Variants in SH3GL3 observed in about 807,000 individuals in gnomAD.
SH3GL3 encodes the protein endophilin-A3.
Under a neutral mutation model 47.7 loss-of-function variants are expected in SH3GL3, and 33 were observed. The ratio of observed to expected loss-of-function variants is 0.69; its 90% CI spans 0.52 to 0.92. The LOEUF is 0.92. SH3GL3 is among the 40% of genes least tolerant of loss of function. The probability of loss-of-function intolerance (pLI) is 0.00; values close to 1 mark genes in which losing one functional copy is unlikely to be tolerated. For synonymous variants in SH3GL3, 155 were observed against 148.8 expected (o/e 1.04, Z -0.30); for missense variants, 363 against 417.8 (o/e 0.87, Z 1.14).
At chr15:83,501,204 CT>C (rs1194181791) in intron 1 of SH3GL3, among the ~76,000 whole-genome samples, 4 of 151,824 alleles carry the variant, frequency 2.6e-5, no homozygotes, top group Admixed American at 2.6e-4. Flanking sequence ...TAATTAACAA[CT>C]TTATAACATT....
intron 2 of SH3GL3, among the ~76,000 whole-genome samples, chr15:83,563,712 C>A (rs1457253618): frequency 6.6e-6 from 1 of 151,994 alleles, no homozygotes; most frequent in East Asian, 1.9e-4. Context: ...GATCTCGGCT[C>A]ACTGCAACCT....
At chr15:83,612,322 C>T (rs1256791609) in intron 8 of SH3GL3, among the ~76,000 whole-genome samples, 3 of 152,216 alleles carry the variant, frequency 2.0e-5, no homozygotes, top group African/African-American at 4.8e-5. Context: ...TGAGGTGACT[C>T]GTCACAGGAG....
At chr15:83,507,616 T>G (rs1334822806) in intron 1 of SH3GL3, among the ~76,000 whole-genome samples, 1 of 151,928 alleles carries the variant, frequency 6.6e-6, no homozygotes, top group African/African-American at 2.4e-5. Flanking sequence ...GGTTTCACCA[T>G]GTTGGCCAGG....
At chr15:83,603,917 C>G (rs1263890759) in intron 8 of SH3GL3, among the ~76,000 whole-genome samples, 1 of 152,148 alleles carries the variant, frequency 6.6e-6, no homozygotes, top group Non-Finnish European at 1.5e-5. Context: ...GGTGGATCAC[C>G]TGAGTTCAGG....
intron 1 of SH3GL3, among the ~76,000 whole-genome samples, chr15:83,519,318 ATTTG>A (rs931287774): frequency 7.2e-5 from 11 of 152,226 alleles, no homozygotes; most frequent in African/African-American, 2.4e-4. Context: ...ATGTTTTTCC[ATTTG>A]TTTGTATCAT....
At chr15:83,531,104 C>G (rs1394238013) in intron 1 of SH3GL3, among the ~76,000 whole-genome samples, 1 of 152,116 alleles carries the variant, frequency 6.6e-6, no homozygotes, top group Admixed American at 6.6e-5. Flanking sequence ...TTCAGGGATC[C>G]TTCAGTTCAT....
chr15:83,579,172 A>T (rs1348858481), intron 6 of SH3GL3, among the ~76,000 whole-genome samples: 7 of 152,220 alleles, frequency 4.6e-5, no homozygotes, highest in Non-Finnish European at 8.8e-5. Flanking sequence ...TGCCTGTCAC[A>T]AATGGGTTAA....
intron 6 of SH3GL3, among the ~76,000 whole-genome samples, chr15:83,580,970 A>G (rs1254746654): frequency 1.3e-5 from 2 of 152,196 alleles, no homozygotes; most frequent in South Asian, 2.1e-4. Flanking sequence ...ATGAAGGGAA[A>G]TCCTCTGAGA....
intron 3 of SH3GL3, chr15:83,565,583 A>G (rs1596271565): frequency 1.3e-5 from 2 of 157,208 alleles, no homozygotes; most frequent in Non-Finnish European, 1.4e-5. Context: ...ACATAAAGGT[A>G]TATGTTAATT....
intron 4 of SH3GL3, 48 bp from the exon 5 acceptor site, chr15:83,572,517 G>T (rs747054630): frequency 2.6e-6 from 4 of 1,534,546 alleles, no homozygotes; most frequent in Admixed American, 3.5e-5. Flanking sequence ...CTGTTAACCT[G>T]GAGTAGTGTT....
chr15:83,563,464 G>A (rs535580474), intron 2 of SH3GL3, among the ~76,000 whole-genome samples: 13 of 152,214 alleles, frequency 8.5e-5, no homozygotes, highest in Admixed American at 2.6e-4. Flanking sequence ...CTCCAAAAAC[G>A]TATCATTTTG....
chr15:83,463,223 G>A (rs2040391182), intron 1 of SH3GL3, among the ~76,000 whole-genome samples: 2 of 152,118 alleles, frequency 1.3e-5, no homozygotes, highest in African/African-American at 2.4e-5. Flanking sequence ...TACATTTCTA[G>A]GACCAGGTTT....
chr15:83,569,086 A>G (rs1224467183), intron 4 of SH3GL3, among the ~76,000 whole-genome samples: 1 of 152,056 alleles, frequency 6.6e-6, no homozygotes, highest in East Asian at 1.9e-4. Context: ...AAATAGAGAC[A>G]GGGTTTCGCC....
Position 83,530,238 on chromosome 15 carries a change from G to A in SH3GL3, c.46-29015G>A, listed in dbSNP as rs183393944. On this transcript the variant is annotated intron_variant, in intron 1 of 8. Transcript: ENST00000427482. ...CTGTTAGTTCTCTTTCTGGAGCAAGGCCTTTGCACAATCTCTAGGCAGCTC... is the reference window on the plus strand; with the variant it reads ...CTGTTAGTTCTCTTTCTGGAGCAAGACCTTTGCACAATCTCTAGGCAGCTC... Among the ~76,000 whole-genome samples, 59 of 152,256 alleles carry A rather than the reference G, an allele frequency of 3.9e-4. No homozygotes were observed. In the East Asian group the frequency reaches 9.9e-3, roughly 25 times the overall value.
At chr15:83,456,699 C>T (rs1596004789) in intron 1 of SH3GL3, among the ~76,000 whole-genome samples, 2 of 146,712 alleles carry the variant, frequency 1.4e-5, no homozygotes, top group African/African-American at 2.5e-5. Flanking sequence ...CTGGCCTGCG[C>T]CCACTGTCTG....
intron 5 of SH3GL3, among the ~76,000 whole-genome samples, chr15:83,575,719 C>T (rs1055398103): frequency 1.3e-5 from 2 of 152,228 alleles, no homozygotes; most frequent in East Asian, 3.8e-4. Flanking sequence ...AAGTTAGAAG[C>T]AGTGCTTCCT....
chr15:83,526,008 T>C (rs943970618), intron 1 of SH3GL3, among the ~76,000 whole-genome samples: 1 of 152,212 alleles, frequency 6.6e-6, no homozygotes, highest in Non-Finnish European at 1.5e-5. Flanking sequence ...ATTTGGGCTC[T>C]TTTTTGGTTC....
chr15:83,591,875 C>T (rs539831560), intron 8 of SH3GL3, among the ~76,000 whole-genome samples: 4 of 152,054 alleles, frequency 2.6e-5, no homozygotes, highest in East Asian at 3.9e-4. Flanking sequence ...TTAATAGGGA[C>T]GGGGTTTCAC....
At chr15:83,571,847 C>T (rs1440160284) in intron 4 of SH3GL3, among the ~76,000 whole-genome samples, 1 of 152,292 alleles carries the variant, frequency 6.6e-6, no homozygotes, top group East Asian at 1.9e-4. Context: ...CCTCATTGTA[C>T]AGAGAACTAG....
Sources: allele counts gnomAD v4.1 joint callset (sites outside exome capture counted in the v4.1 genomes callset), GRCh38; gene constraint gnomAD v4.1.1; transcripts MANE v1.5; gene names NCBI Gene and HGNC (gene_info 2026-07-23, HGNC 2026-07-21).